Variants in FGFR1 observed in about 807,000 individuals in gnomAD.
The protein encoded by FGFR1 is fibroblast growth factor receptor 1.
In FGFR1, 18 loss-of-function variants were observed where a neutral mutation model predicts 93.7. The observed-to-expected ratio is 0.19, with a 90% CI of 0.13 to 0.28. The LOEUF is 0.28. FGFR1 is among the 10% of genes least tolerant of loss of function. The pLI is 1.00. For missense variants in FGFR1, 731 were observed against 1,080.4 expected (o/e 0.68, Z 4.53); for synonymous variants, 448 against 429.3 (o/e 1.04, Z -0.54).
chr8:38,450,821 T>C (rs1830825216), intron 2 of FGFR1, among the ~76,000 whole-genome samples: 1 of 152,180 alleles, frequency 6.6e-6, no homozygotes. Context: ...TCAGTGAAGC[T>C]AATGGTGTAG....
intron 9 of FGFR1, 49 bp downstream of exon 9, chr8:38,419,484 G>T: frequency 1.3e-6 from 2 of 1,524,406 alleles, no homozygotes; most frequent in South Asian, 1.1e-5. Context: ...GGCATTAGAG[G>T]CCCAGAGAGA....
At chr8:38,421,124 G>C (rs542812808) in intron 8 of FGFR1, among the ~76,000 whole-genome samples, 44 of 152,294 alleles carry the variant, frequency 2.9e-4, no homozygotes, top group Non-Finnish European at 2.8e-4. Flanking sequence ...CCCTGGCCCC[G>C]CAGTCACCAG....
rs1257744746 is a variant in FGFR1, at chr8:38,414,158, T to C, written c.2180A>G (p.Asn727Ser). Residue 727 changes from asparagine (N) to serine (S), a missense_variant, in exon 16 of 18, where the codon AAC (asparagine) becomes AGC (serine). By Grantham distance (46) the Asn-to-Ser change is conservative. This residue lies in a region of FGFR1 where 35 missense variants were observed against 78.0 expected (regional missense o/e 0.45). Transcript: ENST00000447712. ...HRMDKPSNCT[N>S]ELYMMMRDCW... Reference sequence around the variant, plus strand: ...GACATCTCCTCGGGCTTACAGCTCGTTGGTGCAGTTACTGGGCTTGTCCAT... The same window carrying C: ...GACATCTCCTCGGGCTTACAGCTCGCTGGTGCAGTTACTGGGCTTGTCCAT... 6.2e-7 allele frequency: 1 copy of C among 1,614,184 alleles called. No individual in the cohort carries two copies.
At chr8:38,416,672 C>G (rs985733968) in intron 12 of FGFR1, among the ~76,000 whole-genome samples, 8 of 151,936 alleles carry the variant, frequency 5.3e-5, no homozygotes, top group African/African-American at 1.7e-4. Context: ...CCAGGCTGGT[C>G]TCCAACTCCT....
rs944355602 is a variant in FGFR1, at chr8:38,413,495, G to A, written c.*133C>T. On this transcript the variant is annotated 3_prime_UTR_variant, in exon 18 of 18. Transcript: ENST00000447712. The surrounding 1 kb of genome is among the most constrained non-coding windows in gnomAD (Gnocchi z 4.2). ...AGTGGGGTGAAGGCAGGCCACACAG[G>A]AAGGCCCCTGGTAGGCAGCCGGCTC... 5.2e-6 allele frequency: 5 copies of A among 970,306 alleles called. No homozygotes were observed. The highest frequency in any genetic ancestry group is 7.6e-6 in the Non-Finnish European group (5 of 655,042). 60.1% of individuals were successfully genotyped at this position (970,306 alleles called of 1,614,324 possible). A position where few individuals can be genotyped will look rare whatever the true frequency, so the allele number is the denominator to read the frequency against.
At position 38,411,468 on chromosome 8, in the gene FGFR1, A is replaced by C. The variant is rs546856626; in HGVS notation, c.*2160T>G. 2 of 226,664 alleles carry C rather than the reference A, an allele frequency of 8.8e-6. No homozygotes were observed. The highest frequency in any genetic ancestry group is 1.8e-5 in the Non-Finnish European group (2 of 113,952). The allele number at this position is 226,664 out of a possible 1,614,324, so 14.0% of individuals were successfully genotyped here. A position where few individuals can be genotyped will look rare whatever the true frequency, so the allele number is the denominator to read the frequency against. On this transcript the variant is annotated 3_prime_UTR_variant, in exon 18 of 18. Transcript: ENST00000447712. Reference sequence around the variant, plus strand: ...ATGCCTTCTTTAAACATAAATACAAATTGTAATGTTAGCAGGTGCTATTTA... The same window carrying C: ...ATGCCTTCTTTAAACATAAATACAACTTGTAATGTTAGCAGGTGCTATTTA...
intron 6 of FGFR1, 158 bp downstream of exon 6, chr8:38,425,964 G>C (rs1820623343): frequency 1.1e-6 from 1 of 898,214 alleles, no homozygotes. Context: ...GAAAAGTGAG[G>C]CTCAAAAGGG....
At chr8:38,435,629 T>C (rs1563540930) in intron 2 of FGFR1, 2 of 152,198 alleles carry the variant, frequency 1.3e-5, no homozygotes, top group Admixed American at 6.5e-5. Flanking sequence ...TCTCTTTTGG[T>C]CTTTCCAGTG....
chr8:38,460,689 A>G (rs1459602274), intron 1 of FGFR1, among the ~76,000 whole-genome samples: 4 of 152,158 alleles, frequency 2.6e-5, no homozygotes, highest in African/African-American at 9.7e-5. Flanking sequence ...AAGGATGTTA[A>G]GAAAACCTGG....
At chr8:38,423,436 C>G in intron 7 of FGFR1, 1 of 396,808 alleles carries the variant, frequency 2.5e-6, no homozygotes, top group Non-Finnish European at 4.6e-6. Context: ...GTTAGCTTGC[C>G]TCAGCCTCCT....
chr8:38,416,664 A>G (rs1271377038), intron 12 of FGFR1, among the ~76,000 whole-genome samples: 1 of 151,666 alleles, frequency 6.6e-6, no homozygotes, highest in Non-Finnish European at 1.5e-5. Flanking sequence ...CCTGTTGGCC[A>G]GGCTGGTCTC....
rs11990852 is a variant in FGFR1 at position 38,416,583 on chromosome 8, G to A, written c.1664-523C>T. On this transcript the variant is annotated intron_variant, in intron 12 of 17. Coordinates refer to ENST00000447712, the MANE Select transcript of FGFR1 (RefSeq NM_023110.3). Reference sequence around the variant, plus strand: ...CGATTCTCCTGCCACAGCCTCCCGAGTAGCTGGAATTACAGGCATGCGCCA... The same window carrying A: ...CGATTCTCCTGCCACAGCCTCCCGAATAGCTGGAATTACAGGCATGCGCCA... Among the ~76,000 whole-genome samples, 321 of 150,918 alleles carry A rather than the reference G, an allele frequency of 2.1e-3. 4 individuals carry two copies. Among genetic ancestry groups the A allele is most frequent in the African/African-American group, 7.2e-3 (296 of 41,066 alleles).
At chr8:38,440,237 G>A (rs2151102669) in intron 2 of FGFR1, 1 of 1,367,148 alleles carries the variant, frequency 7.3e-7, no homozygotes, top group Non-Finnish European at 1.0e-6. Context: ...GCGCAGCGGG[G>A]CTCCGGGGGC....
At position 38,468,548 on chromosome 8, in the gene FGFR1, GC is replaced by G. The variant is rs1836008975; in HGVS notation, c.-657del. The stretch of plus-strand genomic sequence containing the variant: ...CACCCGGGTTCCTCCGCGCGCTGCG[GC>G]TGCACCGGCGTCCCGGCTCCCGCTA... On this transcript the variant is annotated 5_prime_UTR_variant, in exon 1 of 18. Transcript: ENST00000447712. 4.4e-6 allele frequency: 1 copy of G among 228,652 alleles called. No homozygotes were observed. The highest frequency in any genetic ancestry group is 5.7e-5 in the Admixed American group (1 of 17,586). 14.2% of individuals were successfully genotyped at this position (228,652 alleles called of 1,614,324 possible). A position where few individuals can be genotyped will look rare whatever the true frequency, so the allele number is the denominator to read the frequency against.
At position 38,424,394 on chromosome 8, in the gene FGFR1, G is replaced by A; in HGVS notation, c.936+115C>T. The A allele has an allele frequency of 9.2e-7, 1 of 1,086,246 alleles. No individual in the cohort carries two copies. Among genetic ancestry groups the A allele is most frequent in the Admixed American group, 1.9e-5 (1 of 53,834 alleles). 67.3% of individuals were successfully genotyped at this position (1,086,246 alleles called of 1,614,324 possible). ...CTGAGATGGAGTGTGTGTGCCTGAA[G>A]CGTGAGGAATGATCCCATTCGGGGG... On this transcript the variant is annotated intron_variant, in intron 7 of 17. Coordinates refer to ENST00000447712, the MANE Select transcript of FGFR1 (RefSeq NM_023110.3). This position sits in a 1 kb window ranked among gnomAD's most constrained non-coding sequence, Gnocchi z 4.3.
At chr8:38,442,468 T>C (rs980480983) in intron 2 of FGFR1, among the ~76,000 whole-genome samples, 1 of 151,894 alleles carries the variant, frequency 6.6e-6, no homozygotes, top group Non-Finnish European at 1.5e-5. Flanking sequence ...CCCAGCCATG[T>C]GTCTGCAGCT....
chr8:38,416,433 A>T (rs1408617735), intron 12 of FGFR1, among the ~76,000 whole-genome samples: 1 of 148,736 alleles, frequency 6.7e-6, no homozygotes. Context: ...TACAGGCATG[A>T]ACAATGCCTG....
chr8:38,447,803 A>G (rs150764414), intron 2 of FGFR1, among the ~76,000 whole-genome samples: 79 of 152,308 alleles, frequency 5.2e-4, no homozygotes, highest in African/African-American at 1.8e-3. Context: ...TATATTTTAA[A>G]AGACATTTAC....
rs766755196 is a variant in FGFR1 at position 38,424,443 on chromosome 8, T to C, written c.936+66A>G. The C allele has an allele frequency of 2.6e-5, 41 of 1,587,700 alleles. No individual in the cohort carries two copies. The East Asian group carries it at 8.9e-4, about 35-fold the overall frequency. ...GGCAACTGAGCCTGCCCACAGGAAC[T>C]TGAGCCCCCGAGACAGTGGTCTCCT... On this transcript the variant is annotated intron_variant, in intron 7 of 17. Coordinates refer to ENST00000447712, the MANE Select transcript of FGFR1 (RefSeq NM_023110.3). This position sits in a 1 kb window ranked among gnomAD's most constrained non-coding sequence, Gnocchi z 4.3.
Sources: allele counts gnomAD v4.1 joint callset (sites outside exome capture counted in the v4.1 genomes callset), GRCh38; gene constraint gnomAD v4.1.1; regional missense constraint gnomAD v4.1.1; non-coding constraint Gnocchi (gnomAD v3.1); transcripts MANE v1.5; gene names NCBI Gene and HGNC (gene_info 2026-07-23, HGNC 2026-07-21).